The following SIK2 variants were observed in gnomAD, a reference collection of about 807,000 sequenced individuals.
SIK2 encodes salt inducible kinase 2.
Under a neutral mutation model 103.2 loss-of-function variants are expected in SIK2, and 29 were observed. The ratio of observed to expected loss-of-function variants is 0.28; its 90% CI spans 0.21 to 0.38. SIK2 has a LOEUF of 0.38. Ranked by LOEUF, SIK2 falls within the 10% of genes least tolerant of loss-of-function variation. The pLI is 1.00. For synonymous variants in SIK2, 412 were observed against 446.1 expected (o/e 0.92, Z 0.96); for missense variants, 879 against 1,171.0 (o/e 0.75, Z 3.64).
In SIK2 at chr11:111,729,444, G is replaced by C. The variant is rs929525731; in HGVS notation, c.*5315G>C. On this transcript the variant is annotated 3_prime_UTR_variant, in exon 15 of 15. Coordinates refer to ENST00000304987, the MANE Select transcript of SIK2 (RefSeq NM_015191.3). ...CCCTCACAACAATTCTATGAAATTA[G>C]CTGGGGAGATACTGTCCTTATTTTT... 1.3e-5 allele frequency: 2 copies of C among 152,224 alleles called. No individual in the cohort carries two copies. Among genetic ancestry groups the C allele is most frequent in the African/African-American group, 4.8e-5 (2 of 41,456 alleles). The allele number at this position is 152,224 out of a possible 1,614,324, so 9.4% of individuals were successfully genotyped here. A position where few individuals can be genotyped will look rare whatever the true frequency, so the allele number is the denominator to read the frequency against.
chr11:111,700,631 T>C (rs1943191458), intron 4 of SIK2, among the ~76,000 whole-genome samples: 1 of 152,230 alleles, frequency 6.6e-6, no homozygotes, highest in Non-Finnish European at 1.5e-5. Context: ...ATAAAGTATT[T>C]TTCCAGTCTC....
At position 111,720,460 on chromosome 11, in the gene SIK2, TTC is replaced by T. The variant is rs1943767803; in HGVS notation, c.1496-16_1496-15del. 3 of 1,582,016 alleles carry T rather than the reference TTC, an allele frequency of 1.9e-6. No individual in the cohort carries two copies. Among genetic ancestry groups the T allele is most frequent in the Non-Finnish European group, 2.6e-6 (3 of 1,165,008 alleles). On this transcript the variant is annotated splice_polypyrimidine_tract_variant and intron_variant, in intron 10 of 14. Transcript: ENST00000304987. ...ATGCTATTGCTGTTGGTTTTATCTG[TTC>T]TGTTTTCTCTTAAAGGGAAAATTTT... is the stretch of plus-strand genomic sequence containing the variant.
intron 1 of SIK2, among the ~76,000 whole-genome samples, chr11:111,615,978 G>A (rs1475170603): frequency 6.6e-6 from 1 of 152,072 alleles, no homozygotes; most frequent in Non-Finnish European, 1.5e-5. Context: ...GGAGAAAAAA[G>A]ACATTACCAT....
chr11:111,707,866 G>A (rs572621562), intron 8 of SIK2, among the ~76,000 whole-genome samples: 15 of 152,222 alleles, frequency 9.9e-5, no homozygotes, highest in African/African-American at 3.4e-4. Context: ...GAGTGACTTC[G>A]GGCAAGTCAG....
At chr11:111,642,868 A>AGGCTTGTTACAAGTAACAAAAGATATT (rs1479033629) in intron 3 of SIK2, among the ~76,000 whole-genome samples, 6 of 152,190 alleles carry the variant, frequency 3.9e-5, no homozygotes, top group Non-Finnish European at 7.3e-5. Flanking sequence ...ACTTAGGAAT[A>AGGCTTGTTACAAGTAACAAAAGATATT]CCATAGGTTT....
rs143534376 is a variant in SIK2, at chr11:111,609,098, T to C, written c.135+6400T>C. Among the ~76,000 whole-genome samples, 1,214 of 148,318 alleles carry C rather than the reference T, an allele frequency of 8.2e-3. 30 individuals are homozygous for C. The highest frequency in any genetic ancestry group is 0.03 in the African/African-American group (1,154 of 37,842). Reference sequence around the variant, plus strand: ...TACTTTGTACAGTTTTATATGATGATGATTTGCATTCCTTTTATAAATTTT... The same window carrying C: ...TACTTTGTACAGTTTTATATGATGACGATTTGCATTCCTTTTATAAATTTT... On this transcript the variant is annotated intron_variant, in intron 1 of 14. Coordinates refer to ENST00000304987, the MANE Select transcript of SIK2 (RefSeq NM_015191.3).
chr11:111,614,610 T>C (rs1789361), intron 1 of SIK2, among the ~76,000 whole-genome samples: 87,834 of 152,132 alleles, frequency 0.58, 29,322 homozygotes, highest in East Asian at 0.96. Context: ...TATCTTCACA[T>C]TGAGTGGGCT....
chr11:111,613,789 T>C (rs1941761792), intron 1 of SIK2, among the ~76,000 whole-genome samples: 1 of 152,142 alleles, frequency 6.6e-6, no homozygotes, highest in Non-Finnish European at 1.5e-5. Flanking sequence ...AAGCTTTTAT[T>C]CTTAGGCGAT....
chr11:111,676,384 T>C (rs544092004), intron 3 of SIK2, among the ~76,000 whole-genome samples: 26 of 152,336 alleles, frequency 1.7e-4, no homozygotes, highest in African/African-American at 6.3e-4. Flanking sequence ...ACCAGCAGTA[T>C]ATAAGCATTC....
chr11:111,712,631 T>C (rs1943532487), intron 9 of SIK2, among the ~76,000 whole-genome samples: 1 of 152,246 alleles, frequency 6.6e-6, no homozygotes, highest in Non-Finnish European at 1.5e-5. Context: ...TCTTTCTCGC[T>C]CACTAATTCC....
At chr11:111,647,288 A>G (rs1175469937) in intron 3 of SIK2, among the ~76,000 whole-genome samples, 5 of 152,160 alleles carry the variant, frequency 3.3e-5, no homozygotes, top group Non-Finnish European at 5.9e-5. Flanking sequence ...TTTAAGATAA[A>G]TTACTAGAAA....
At chr11:111,684,211 C>G (rs559965023) in intron 3 of SIK2, among the ~76,000 whole-genome samples, 2 of 152,190 alleles carry the variant, frequency 1.3e-5, no homozygotes, top group Non-Finnish European at 2.9e-5. Flanking sequence ...CAAACTTTTT[C>G]TTTCCCCTTG....
rs921684041 is a variant in SIK2 at position 111,692,436 on chromosome 11, T to C, written c.478+4274T>C. 2.2e-5 allele frequency among the ~76,000 whole-genome samples: 3 copies of C among 135,676 alleles called. No homozygotes were observed. In the South Asian group the frequency reaches 7.1e-4, roughly 32 times the overall value. 89.0% of individuals were successfully genotyped at this position (135,676 alleles called of 152,430 possible). On this transcript the variant is annotated intron_variant, in intron 4 of 14. Transcript: ENST00000304987. ...AGAGAGATAGAGATCGAGGCTGGGG[T>C]ATCTGCCTCAAGCAGATGGATCCAC...
At chr11:111,608,408 A>T (rs1340802420) in intron 1 of SIK2, among the ~76,000 whole-genome samples, 2 of 152,224 alleles carry the variant, frequency 1.3e-5, no homozygotes, top group African/African-American at 4.8e-5. Flanking sequence ...AAGTCAATGC[A>T]TCTTCATTGT....
chr11:111,667,364 C>T (rs45588739), intron 3 of SIK2, among the ~76,000 whole-genome samples: 1 of 152,054 alleles, frequency 6.6e-6, no homozygotes, highest in African/African-American at 2.4e-5. Context: ...AGGCAGTCTC[C>T]AGCATTACAT....
chr11:111,647,910 T>C (rs1942279042), intron 3 of SIK2, among the ~76,000 whole-genome samples: 1 of 152,062 alleles, frequency 6.6e-6, no homozygotes. Context: ...GTCATGAAGA[T>C]GGTTTTTTTA....
intron 3 of SIK2, chr11:111,671,455 G>A: frequency 4.1e-6 from 1 of 246,768 alleles, no homozygotes; most frequent in East Asian, 1.4e-4. Context: ...GATGTTCTGG[G>A]TCATCTCTGA....
At chr11:111,636,552 G>A (rs765981208) in intron 3 of SIK2, among the ~76,000 whole-genome samples, 15 of 152,280 alleles carry the variant, frequency 9.9e-5, no homozygotes, top group Non-Finnish European at 1.6e-4. Flanking sequence ...TGTGATGTCA[G>A]TGTTTCAAAG....
At chr11:111,698,310 A>G (rs1943127320) in intron 4 of SIK2, among the ~76,000 whole-genome samples, 1 of 152,224 alleles carries the variant, frequency 6.6e-6, no homozygotes, top group Non-Finnish European at 1.5e-5. Context: ...TGTGAAGTGT[A>G]CTATGAGAGC....
Sources: allele counts gnomAD v4.1 joint callset (sites outside exome capture counted in the v4.1 genomes callset), GRCh38; gene constraint gnomAD v4.1.1; transcripts MANE v1.5; gene names NCBI Gene and HGNC (gene_info 2026-07-23, HGNC 2026-07-21).